The following RYR3 variants were observed in gnomAD, a reference collection of about 807,000 sequenced individuals.
RYR3 encodes the protein ryanodine receptor 3.
In RYR3, 207 loss-of-function variants were observed where a neutral mutation model predicts 584.3. That is an observed-to-expected ratio of 0.35 (90% confidence interval 0.32 to 0.40). The LOEUF is 0.40. Among genes scored for constraint, RYR3 ranks in the 10% least tolerant of loss-of-function variants. The pLI is 1.00. For missense variants in RYR3, 5,616 were observed against 6,089.2 expected, an observed-to-expected ratio of 0.92 and a Z score of 2.59; for synonymous variants, 2,416 against 2,248.5, an observed-to-expected ratio of 1.07 and a Z score of -2.11.
At chr15:33,696,529 G>T in intron 39 of RYR3, 38 bp downstream of exon 39, 1 of 1,598,546 alleles carries the variant, frequency 6.3e-7, no homozygotes, top group Non-Finnish European at 8.5e-7. Context: ...CTCTCTAGGA[G>T]CTTTAAGTGG....
chr15:33,337,494 G>T (rs897903433), intron 1 of RYR3, among the ~76,000 whole-genome samples: 7 of 151,928 alleles, frequency 4.6e-5, no homozygotes, highest in Admixed American at 4.6e-4. Flanking sequence ...AATGTATGAG[G>T]CCAGTACAAA....
At chr15:33,441,178 C>A (rs74005625) in intron 1 of RYR3, among the ~76,000 whole-genome samples, 1 of 152,186 alleles carries the variant, frequency 6.6e-6, no homozygotes, top group Non-Finnish European at 1.5e-5. Flanking sequence ...TCATTTCTTG[C>A]AATTGTGGTT....
In RYR3 at chr15:33,659,145, A is replaced by C. The variant is rs137934261; in HGVS notation, c.4309-575A>C. Among the ~76,000 whole-genome samples, 39 of 152,340 alleles carry C rather than the reference A, an allele frequency of 2.6e-4. No homozygotes were observed. In the East Asian group the frequency reaches 5.4e-3, roughly 21 times the overall value. ...TGGGCAGAGGGCAGGGATGCCGCTCAACATCCTACAGTGCATGGGATGGCG... is the reference window on the plus strand; with the variant it reads ...TGGGCAGAGGGCAGGGATGCCGCTCCACATCCTACAGTGCATGGGATGGCG... On this transcript the variant is annotated intron_variant, in intron 32 of 103. Coordinates refer to ENST00000634891, the MANE Select transcript of RYR3 (RefSeq NM_001036.6).
intron 1 of RYR3, among the ~76,000 whole-genome samples, chr15:33,429,133 C>T (rs929319638): frequency 7.2e-5 from 11 of 152,138 alleles, no homozygotes; most frequent in African/African-American, 2.4e-4. Context: ...TTAGAATAAT[C>T]GTGGAAACAT....
At chr15:33,715,116 T>G (rs1490340938) in intron 43 of RYR3, among the ~76,000 whole-genome samples, 1 of 152,244 alleles carries the variant, frequency 6.6e-6, no homozygotes. Context: ...ACTGTTGTGC[T>G]GGGAGACATA....
chr15:33,481,789 C>CTT lies in RYR3; in HGVS notation c.171+8270_171+8271dup, dbSNP rs59354808. On this transcript the variant is annotated intron_variant, in intron 2 of 103. Transcript: ENST00000634891. ...GAGCCACCAGGCCTGGCCTTGAATA[C>CTT]TTTTTTTTTTTTTTTTTTTTAGTAA... Among the ~76,000 whole-genome samples the CTT allele has an allele frequency of 7.1e-4, 99 of 139,336 alleles. No homozygotes were observed. In the South Asian group the frequency reaches 0.019, roughly 27 times the overall value. The allele number at this position is 139,336 out of a possible 152,430, so 91.4% of individuals were successfully genotyped here. A position where few individuals can be genotyped will look rare whatever the true frequency, so the allele number is the denominator to read the frequency against.
intron 81 of RYR3, among the ~76,000 whole-genome samples, chr15:33,824,130 C>G (rs964750990): frequency 6.6e-6 from 1 of 152,032 alleles, no homozygotes; most frequent in African/African-American, 2.4e-5. Flanking sequence ...TCAGAGATGG[C>G]AAAAATCAAG....
chr15:33,756,399 T>C, intron 59 of RYR3, 26 bp downstream of exon 59: 1 of 1,509,448 alleles, frequency 6.6e-7, no homozygotes, highest in South Asian at 1.2e-5. Flanking sequence ...CTTAATCAAA[T>C]TACTTTCTTC....
At chr15:33,369,558 T>C (rs1398212744) in intron 1 of RYR3, among the ~76,000 whole-genome samples, 2 of 152,190 alleles carry the variant, frequency 1.3e-5, no homozygotes, top group Non-Finnish European at 2.9e-5. Flanking sequence ...CAGGTGTCAG[T>C]TTGTAATTCC....
chr15:33,707,492 C>T (rs1163825021), intron 43 of RYR3, among the ~76,000 whole-genome samples: 2 of 151,962 alleles, frequency 1.3e-5, no homozygotes, highest in Non-Finnish European at 2.9e-5. Flanking sequence ...AAGTAAACTC[C>T]CAGGAGAAAA....
At chr15:33,580,926 G>A (rs556128431) in intron 13 of RYR3, among the ~76,000 whole-genome samples, 17 of 152,006 alleles carry the variant, frequency 1.1e-4, no homozygotes, top group Non-Finnish European at 2.1e-4. Flanking sequence ...CCTCCCATGC[G>A]CTAAGAACAG....
At chr15:33,574,340 G>C (rs1245076177) in intron 12 of RYR3, among the ~76,000 whole-genome samples, 1 of 152,152 alleles carries the variant, frequency 6.6e-6, no homozygotes, top group East Asian at 1.9e-4. Context: ...AAAATATTGA[G>C]GAAAATGTAT....
intron 10 of RYR3, among the ~76,000 whole-genome samples, chr15:33,560,598 G>A (rs560740373): frequency 1.4e-4 from 21 of 152,154 alleles, no homozygotes; most frequent in African/African-American, 1.9e-4. Context: ...CAGTTGTGGT[G>A]TGCATAATTT....
At chr15:33,720,882 A>AT (rs1408946457) in intron 43 of RYR3, among the ~76,000 whole-genome samples, 1 of 152,000 alleles carries the variant, frequency 6.6e-6, no homozygotes, top group Non-Finnish European at 1.5e-5. Flanking sequence ...TCTTAAAAAA[A>AT]AAAATGCTTT....
intron 67 of RYR3, among the ~76,000 whole-genome samples, chr15:33,791,207 G>A (rs769471916): frequency 3.9e-5 from 6 of 152,314 alleles, no homozygotes; most frequent in Non-Finnish European, 8.8e-5. Context: ...AACTTGTCAG[G>A]TTGTTTCTTC....
In RYR3 at chr15:33,580,057, C is replaced by G. The variant is rs746873616; in HGVS notation, c.1350C>G (p.Phe450Leu). The change falls in exon 13 of 104, where the codon TTC becomes TTG. Residue 450 changes from phenylalanine to leucine, a missense_variant. Transcript: ENST00000634891. ...LQTLQDLIAY[F>L]QPPEEEMRHE... ...CCCTACAGGACTTGATCGCCTACTTCCAGCCCCCAGAGGAGGAGATGCGAC... is the reference window on the plus strand; with the variant it reads ...CCCTACAGGACTTGATCGCCTACTTGCAGCCCCCAGAGGAGGAGATGCGAC... 3 of 1,613,564 alleles carry G rather than the reference C, an allele frequency of 1.9e-6. No individual in the cohort carries two copies. In the East Asian group the frequency reaches 6.7e-5, roughly 36 times the overall value.
chr15:33,719,706 T>C (rs1249542058), intron 43 of RYR3, among the ~76,000 whole-genome samples: 1 of 152,190 alleles, frequency 6.6e-6, no homozygotes, highest in Non-Finnish European at 1.5e-5. Context: ...CTTTTAGAAA[T>C]GTAGATTCTC....
chr15:33,614,531 C>T (rs996636158), intron 19 of RYR3, among the ~76,000 whole-genome samples: 4 of 151,952 alleles, frequency 2.6e-5, no homozygotes, highest in African/African-American at 7.2e-5. Context: ...TTTTTTATTA[C>T]GAATGTGGTG....
At chr15:33,422,420 G>T (rs28375148) in intron 1 of RYR3, among the ~76,000 whole-genome samples, 3,256 of 152,194 alleles carry the variant, frequency 0.021, 56 homozygotes, top group Non-Finnish European at 0.028. Context: ...CATATTTCCT[G>T]TTCTTAATAA....
Sources: allele counts gnomAD v4.1 joint callset (sites outside exome capture counted in the v4.1 genomes callset), GRCh38; gene constraint gnomAD v4.1.1; transcripts MANE v1.5; gene names NCBI Gene and HGNC (gene_info 2026-07-23, HGNC 2026-07-21).